EYS: variants seen among roughly 807,000 people sequenced by gnomAD.
EYS encodes the protein EGF-like photoreceptor maintenance factor.
Under a neutral mutation model 282.1 loss-of-function variants are expected in EYS, and 250 were observed. The observed-to-expected ratio is 0.89, with a 90% CI of 0.80 to 0.98. The LOEUF (loss-of-function observed/expected upper bound fraction) is 0.98, where lower values mean the gene tolerates loss of function less well. EYS is among the 50% of genes least tolerant of loss of function. EYS has a pLI of 0.00. For synonymous variants in EYS, 1,355 were observed against 1,282.9 expected (o/e 1.06, Z -1.20); for missense variants, 4,016 against 3,709.0 (o/e 1.08, Z -2.15).
At position 64,369,000 on chromosome 6, in the gene EYS, T is replaced by C. The variant is rs189649706; in HGVS notation, c.6078+19690A>G. Among the ~76,000 whole-genome samples, 212 of 152,270 alleles carry C rather than the reference T, an allele frequency of 1.4e-3. 3 individuals carry two copies. The highest frequency in any genetic ancestry group is 9.1e-4 in the Non-Finnish European group (62 of 68,026). Reference sequence around the variant, plus strand: ...ACCAGGTCCTATGTTGAGAATGGTATTTCCTAGGTTATCTTCCAGGGATTT... The same window carrying C: ...ACCAGGTCCTATGTTGAGAATGGTACTTCCTAGGTTATCTTCCAGGGATTT... On this transcript the variant is annotated intron_variant, in intron 29 of 42. Coordinates refer to ENST00000503581, the MANE Select transcript of EYS (RefSeq NM_001142800.2).
chr6:63,950,990 T>G (rs1320727577), intron 35 of EYS, among the ~76,000 whole-genome samples: 1 of 152,108 alleles, frequency 6.6e-6, no homozygotes, highest in East Asian at 1.9e-4. Context: ...CACCGACATT[T>G]CAGAGGTGTC....
In EYS at chr6:64,634,219, T is replaced by A. The variant is rs542368323; in HGVS notation, c.3444-7974A>T. On this transcript the variant is annotated intron_variant, in intron 22 of 42. Coordinates refer to ENST00000503581, the MANE Select transcript of EYS (RefSeq NM_001142800.2). ...GCATGATCTCGATCTCTTCACCTCGTGATCCGCCTGCCTTGGCCTCCCAAA... is the reference window on the plus strand; with the variant it reads ...GCATGATCTCGATCTCTTCACCTCGAGATCCGCCTGCCTTGGCCTCCCAAA... Among the ~76,000 whole-genome samples the A allele has an allele frequency of 5.3e-5, 8 of 152,304 alleles. No individual in the cohort carries two copies. The East Asian group carries it at 1.5e-3, about 29-fold the overall frequency.
chr6:65,686,169 C>T (rs1769007100), intron 1 of EYS, among the ~76,000 whole-genome samples: 1 of 152,022 alleles, frequency 6.6e-6, no homozygotes, highest in Non-Finnish European at 1.5e-5. Context: ...TTCTTTTCTA[C>T]TTAAGATAAC....
chr6:65,341,177 C>T (rs1770188728), intron 10 of EYS, among the ~76,000 whole-genome samples: 1 of 151,130 alleles, frequency 6.6e-6, no homozygotes, highest in Admixed American at 6.6e-5. Flanking sequence ...TTCAGATGAT[C>T]ACATCACTCT....
chr6:65,059,915 T>C (rs1443392851), intron 12 of EYS, among the ~76,000 whole-genome samples: 1 of 152,080 alleles, frequency 6.6e-6, no homozygotes, highest in Admixed American at 6.6e-5. Flanking sequence ...TCTGGTGAAG[T>C]TGGAGAAACA....
At chr6:65,289,864 C>G (rs1018657129) in intron 12 of EYS, among the ~76,000 whole-genome samples, 1 of 150,796 alleles carries the variant, frequency 6.6e-6, no homozygotes, top group African/African-American at 2.4e-5. Context: ...AAATTAAGAG[C>G]AAAAATATAC....
Position 64,421,860 on chromosome 6 carries a change from G to GGT in EYS, c.5927+14312_5927+14313dup, listed in dbSNP as rs58632994. Reference sequence around the variant, plus strand: ...AGAGAGCGCATTTTTTTGTTTGGGGGGTGTGTGTGTGTGTGTGTGTGTGTG... The same window carrying GGT: ...AGAGAGCGCATTTTTTTGTTTGGGGGGTGTGTGTGTGTGTGTGTGTGTGTGTG... On this transcript the variant is annotated intron_variant, in intron 28 of 42. Transcript: ENST00000503581. Among the ~76,000 whole-genome samples, 22 of 138,352 alleles carry GGT rather than the reference G, an allele frequency of 1.6e-4. 1 individual carries two copies. The highest frequency in any genetic ancestry group is 7.7e-4 in the Admixed American group (11 of 14,270). 90.8% of individuals were successfully genotyped at this position (138,352 alleles called of 152,430 possible). A position where few individuals can be genotyped will look rare whatever the true frequency, so the allele number is the denominator to read the frequency against.
rs373800075 is a variant in EYS at position 65,402,217 on chromosome 6, A to G, written c.1184+261T>C. Among the ~76,000 whole-genome samples, 58 of 151,970 alleles carry G rather than the reference A, an allele frequency of 3.8e-4. 2 individuals carry two copies. In the East Asian group the frequency reaches 6.0e-3, roughly 16 times the overall value. On this transcript the variant is annotated intron_variant, in intron 7 of 42. Coordinates refer to ENST00000503581, the MANE Select transcript of EYS (RefSeq NM_001142800.2). ...ATTATTTGATTATATTAAAACCTCC[A>G]TTATTAAACAAAGTATTTTTTAATA...
chr6:64,372,019 TGAACATGTATTGACATGTGCA>T lies in EYS; in HGVS notation c.6078+16650_6078+16670del, dbSNP rs542768131. ...AGCATTTAGACTGTTCACTTTCAAGTGAACATGTATTGACATGTGCAGATTTGATCTTGTCATCATGTTGTT... is the reference window on the plus strand; with the variant it reads ...AGCATTTAGACTGTTCACTTTCAAGTGATTTGATCTTGTCATCATGTTGTT... On this transcript the variant is annotated intron_variant, in intron 29 of 42. Coordinates refer to ENST00000503581, the MANE Select transcript of EYS (RefSeq NM_001142800.2). 4.4e-3 allele frequency among the ~76,000 whole-genome samples: 663 copies of T among 152,214 alleles called. 2 individuals carry two copies. Among genetic ancestry groups the T allele is most frequent in the South Asian group, 8.1e-3 (39 of 4,822 alleles).
At chr6:64,294,128 A>G (rs1231076584) in intron 30 of EYS, among the ~76,000 whole-genome samples, 1 of 152,212 alleles carries the variant, frequency 6.6e-6, no homozygotes, top group Non-Finnish European at 1.5e-5. Flanking sequence ...AATTAGTATC[A>G]ACTTTACTGT....
At chr6:64,496,162 T>C (rs1776882421) in intron 26 of EYS, among the ~76,000 whole-genome samples, 1 of 151,892 alleles carries the variant, frequency 6.6e-6, no homozygotes, top group African/African-American at 2.4e-5. Context: ...AGAGGAAATT[T>C]CTGATTAATT....
At chr6:65,322,473 A>G (rs1769500953) in intron 11 of EYS, among the ~76,000 whole-genome samples, 1 of 152,112 alleles carries the variant, frequency 6.6e-6, no homozygotes, top group Non-Finnish European at 1.5e-5. Context: ...ATGCAGCAGG[A>G]ATATATCCAT....
At chr6:63,739,603 G>T (rs1769020902) in intron 41 of EYS, among the ~76,000 whole-genome samples, 1 of 152,088 alleles carries the variant, frequency 6.6e-6, no homozygotes, top group Non-Finnish European at 1.5e-5. Flanking sequence ...AAGGGGTGGG[G>T]TGCAGATCTG....
At chr6:65,468,231 A>G (rs1267838792) in intron 5 of EYS, among the ~76,000 whole-genome samples, 1 of 152,192 alleles carries the variant, frequency 6.6e-6, no homozygotes, top group African/African-American at 2.4e-5. Flanking sequence ...TCAGAGCCGA[A>G]GCTACAAGAA....
intron 36 of EYS, among the ~76,000 whole-genome samples, chr6:63,833,450 C>G (rs995163881): frequency 1.3e-5 from 2 of 152,106 alleles, no homozygotes; most frequent in African/African-American, 4.8e-5. Context: ...GAGTGAACTC[C>G]CATTCACAAT....
chr6:64,305,688 G>GA (rs1246235690), intron 30 of EYS, among the ~76,000 whole-genome samples: 2 of 152,092 alleles, frequency 1.3e-5, no homozygotes, highest in Admixed American at 1.3e-4. Context: ...ACATACAACA[G>GA]AATGACCCAA....
At chr6:64,128,880 C>T (rs1321187699) in intron 31 of EYS, among the ~76,000 whole-genome samples, 1 of 152,082 alleles carries the variant, frequency 6.6e-6, no homozygotes, top group Non-Finnish European at 1.5e-5. Flanking sequence ...GTGATAAGTG[C>T]TATAAAATCA....
At chr6:64,353,096 T>C (rs1035415023) in intron 29 of EYS, among the ~76,000 whole-genome samples, 2 of 151,474 alleles carry the variant, frequency 1.3e-5, no homozygotes, top group Admixed American at 1.3e-4. Flanking sequence ...CACAAAATAA[T>C]TATAATGCAA....
chr6:64,414,698 T>G (rs1025142463), intron 28 of EYS, among the ~76,000 whole-genome samples: 1 of 152,180 alleles, frequency 6.6e-6, no homozygotes, highest in Non-Finnish European at 1.5e-5. Context: ...GTATAATACT[T>G]GGCTGTGCCA....
Sources: gnomAD v4.1 joint callset for allele counts (sites outside exome capture counted in the v4.1 genomes callset) on GRCh38, gnomAD v4.1.1 for gene constraint, MANE v1.5 for transcripts, NCBI Gene and HGNC (gene_info 2026-07-23, HGNC 2026-07-21) for gene names.